The following PMFBP1 variants were observed in gnomAD, a reference collection of about 807,000 sequenced individuals.
PMFBP1 encodes polyamine modulated factor 1 binding protein 1, also known as polyamine-modulated factor 1-binding protein 1.
Under a neutral mutation model 137.8 loss-of-function variants are expected in PMFBP1, and 131 were observed. The ratio of observed to expected loss-of-function variants is 0.95; its 90% CI spans 0.82 to 1.10. The LOEUF (loss-of-function observed/expected upper bound fraction) is 1.10, where lower values mean the gene tolerates loss of function less well. Among genes scored for constraint, PMFBP1 ranks in the 50% least tolerant of loss-of-function variants. The pLI, the probability that PMFBP1 is intolerant of heterozygous loss-of-function variation, is 0.00. For synonymous variants in PMFBP1, 490 were observed against 450.4 expected, an observed-to-expected ratio of 1.09 and a Z score of -1.11; for missense variants, 1,199 against 1,175.4, an observed-to-expected ratio of 1.02 and a Z score of -0.29.
At chr16:72,178,128 A>G (rs913335365), upstream of PMFBP1, among the ~76,000 whole-genome samples, 1 of 152,092 alleles carries the variant, frequency 6.6e-6, no homozygotes, top group African/African-American at 2.4e-5. Context: ...CCTGAGCTCA[A>G]GCGATCTGGC....
the PMFBP1 span, among the ~76,000 whole-genome samples, chr16:72,227,729 C>A: frequency 1.3e-5 from 2 of 152,132 alleles, no homozygotes; most frequent in African/African-American, 4.8e-5. Context: ...CTAGGTGATA[C>A]AAAACCAGCT....
At chr16:72,146,930 T>C (rs527419103) in intron 5 of PMFBP1, among the ~76,000 whole-genome samples, 1 of 152,332 alleles carries the variant, frequency 6.6e-6, no homozygotes, top group Non-Finnish European at 1.5e-5. Flanking sequence ...ATCAATATCA[T>C]GAAAATGGCC....
intron 5 of PMFBP1, among the ~76,000 whole-genome samples, chr16:72,144,396 C>G (rs1310206049): frequency 6.6e-6 from 1 of 152,044 alleles, no homozygotes; most frequent in Non-Finnish European, 1.5e-5. Flanking sequence ...CAGTTAAAGT[C>G]ACTAAAAAAC....
chr16:72,211,264 T>C, the PMFBP1 span, among the ~76,000 whole-genome samples: 14 of 152,276 alleles, frequency 9.2e-5, no homozygotes, highest in Middle Eastern at 6.8e-3. Context: ...CCAGAACAGT[T>C]GGCCTTCCTC....
chr16:72,171,417 G>C (rs2043218961), intron 1 of PMFBP1, 149 bp from the exon 2 acceptor site: 2 of 524,268 alleles, frequency 3.8e-6, no homozygotes. Flanking sequence ...CCATCTGTTT[G>C]TGTTTTTAAA....
chr16:72,164,910 C>A lies in PMFBP1; in HGVS notation c.19G>T (p.Glu7Ter), dbSNP rs1001761603. The A allele has an allele frequency of 1.3e-6, 2 of 1,585,162 alleles. No homozygotes were observed. The highest frequency in any genetic ancestry group is 1.7e-6 in the Non-Finnish European group (2 of 1,158,904). Reference protein sequence around the residue: MKDEAGERDREVSSLNS... With the variant: MKDEAG ...AGGCTGCTCACTTCTCTGTCTCTCT[C>A]CCCCGCCTAGGCAGCCAGAAAAACA... The change falls in exon 3 of 21, where the codon GAG becomes TAG. Residue 7 changes from glutamate to a stop codon, truncating the protein, a stop_gained. Coordinates refer to ENST00000237353, the MANE Select transcript of PMFBP1 (RefSeq NM_031293.3). LOFTEE classifies it high-confidence loss of function.
At chr16:72,131,641 C>G (rs1249330687) in intron 10 of PMFBP1, among the ~76,000 whole-genome samples, 2 of 151,910 alleles carry the variant, frequency 1.3e-5, no homozygotes, top group Non-Finnish European at 2.9e-5. Context: ...TGACTACAGT[C>G]AGAGCAGGAG....
At chr16:72,138,607 C>T (rs1361608686) in intron 7 of PMFBP1, among the ~76,000 whole-genome samples, 1 of 152,162 alleles carries the variant, frequency 6.6e-6, no homozygotes, top group African/African-American at 2.4e-5. Flanking sequence ...GCTCGACCTC[C>T]TGGGTTGAAG....
chr16:72,237,863 ATTTAG>A, the PMFBP1 span, among the ~76,000 whole-genome samples: 2 of 152,014 alleles, frequency 1.3e-5, no homozygotes, highest in African/African-American at 2.4e-5. Flanking sequence ...TGTTCTCATC[ATTTAG>A]ATCCCACTTA....
chr16:72,167,035 A>G (rs1457896905), intron 2 of PMFBP1, among the ~76,000 whole-genome samples: 2 of 152,150 alleles, frequency 1.3e-5, no homozygotes, highest in African/African-American at 4.8e-5. Context: ...CTCATATCCA[A>G]CTGACTGGTC....
chr16:72,163,166 A>G (rs2043089186), intron 3 of PMFBP1, among the ~76,000 whole-genome samples: 1 of 152,234 alleles, frequency 6.6e-6, no homozygotes, highest in African/African-American at 2.4e-5. Context: ...GTCCAGCAAC[A>G]GGTCTGTGCA....
intron 12 of PMFBP1, 28 bp downstream of exon 12, chr16:72,130,184 TG>T (rs2042526833): frequency 5.0e-6 from 8 of 1,607,942 alleles, no homozygotes; most frequent in Non-Finnish European, 6.8e-6. Flanking sequence ...AGCAAGCACT[TG>T]AATGGGCCAT....
Position 72,122,916 on chromosome 16 carries a change from C to T in PMFBP1, c.2766G>A (p.Lys922=). 1 of 1,612,958 alleles carries T rather than the reference C, an allele frequency of 6.2e-7. No individual in the cohort carries two copies. Among genetic ancestry groups the T allele is most frequent in the South Asian group, 1.1e-5 (1 of 91,064 alleles). ...CAGGGTGGTTTAAGATGACTTACTC[C>T]TTTTCGCCACTCAGCTTGGCAATGT... ...VKYIAKLSGE[K]DHLHSVMVHL... The change falls in exon 19 of 21, where the codon AAG becomes AAA. Residue 922 remains lysine, a splice_region_variant and synonymous_variant. Coordinates refer to ENST00000237353, the MANE Select transcript of PMFBP1 (RefSeq NM_031293.3).
At chr16:72,127,705 G>T (rs564423788) in intron 14 of PMFBP1, among the ~76,000 whole-genome samples, 1 of 152,160 alleles carries the variant, frequency 6.6e-6, no homozygotes, top group Non-Finnish European at 1.5e-5. Flanking sequence ...TGCTGTCAAT[G>T]GTATTAGGTC....
At chr16:72,173,673 T>C (rs2043240792), upstream of PMFBP1, among the ~76,000 whole-genome samples, 1 of 152,204 alleles carries the variant, frequency 6.6e-6, no homozygotes, top group Non-Finnish European at 1.5e-5. Context: ...ATATGATAAG[T>C]TTTTGATACA....
intron 5 of PMFBP1, among the ~76,000 whole-genome samples, chr16:72,141,635 T>C (rs1279908082): frequency 6.6e-6 from 1 of 152,236 alleles, no homozygotes; most frequent in Non-Finnish European, 1.5e-5. Context: ...TTCTATCTTG[T>C]TCTTTTAAAT....
chr16:72,124,122 C>T (rs1193292928), intron 17 of PMFBP1, among the ~76,000 whole-genome samples: 1 of 152,166 alleles, frequency 6.6e-6, no homozygotes, highest in Non-Finnish European at 1.5e-5. Context: ...AGCTATCCTC[C>T]CACTTAGCCT....
At chr16:72,228,945 T>C in the PMFBP1 span, among the ~76,000 whole-genome samples, 2 of 151,930 alleles carry the variant, frequency 1.3e-5, no homozygotes, top group African/African-American at 4.8e-5. Context: ...GTACAGATTA[T>C]TTTATCACCC....
At chr16:72,130,978 C>T (rs927523957) in intron 10 of PMFBP1, among the ~76,000 whole-genome samples, 1 of 152,228 alleles carries the variant, frequency 6.6e-6, no homozygotes, top group Non-Finnish European at 1.5e-5. Flanking sequence ...GCGACTCATT[C>T]TGTCACTGGG....
Sources: gnomAD v4.1 joint callset for allele counts (sites outside exome capture counted in the v4.1 genomes callset) on GRCh38, gnomAD v4.1.1 for gene constraint, MANE v1.5 for transcripts, NCBI Gene and HGNC (gene_info 2026-07-23, HGNC 2026-07-21) for gene names.